UGT1A9: variants seen among roughly 807,000 people sequenced by gnomAD.
UGT1A9 encodes UDP-glucuronosyltransferase 1A9.
Under a neutral mutation model 45.0 loss-of-function variants are expected in UGT1A9, and 35 were observed. The ratio of observed to expected loss-of-function variants is 0.78; its 90% CI spans 0.59 to 1.03. UGT1A9 has a LOEUF of 1.03. Ranked by LOEUF, UGT1A9 falls within the 50% of genes least tolerant of loss-of-function variation. UGT1A9 has a pLI of 0.00. For missense variants in UGT1A9, 687 were observed against 666.6 expected (o/e 1.03, Z -0.34); for synonymous variants, 278 against 250.6 (o/e 1.11, Z -1.03).
At chr2:233,725,353 T>G in intron 1 of UGT1A9, among the ~76,000 whole-genome samples, 1 of 141,520 alleles carries the variant, frequency 7.1e-6, no homozygotes, top group African/African-American at 2.6e-5. Flanking sequence ...TAAGAATGTT[T>G]CTTATGAAGA....
Position 233,687,551 on chromosome 2 carries a change from G to C in UGT1A9, c.855+14762G>C, listed in dbSNP as rs530582048. Among the ~76,000 whole-genome samples, 10 of 149,232 alleles carry C rather than the reference G, an allele frequency of 6.7e-5. No homozygotes were observed. The South Asian group carries it at 2.2e-3, about 32-fold the overall frequency. On this transcript the variant is annotated intron_variant, in intron 1 of 4. Transcript: ENST00000354728. ...CCAAGGTTATGCCTCAAGTAAGTGGGGGAGCCAGAATTCAAGACCATACAT... is the reference window on the plus strand; with the variant it reads ...CCAAGGTTATGCCTCAAGTAAGTGGCGGAGCCAGAATTCAAGACCATACAT...
At chr2:233,762,785 A>G (rs1698164172) in intron 1 of UGT1A9, among the ~76,000 whole-genome samples, 1 of 150,724 alleles carries the variant, frequency 6.6e-6, no homozygotes, top group Non-Finnish European at 1.5e-5. Context: ...CTGATTATCT[A>G]CTCATTACTC....
chr2:233,700,047 C>T (rs1486704694), intron 1 of UGT1A9, among the ~76,000 whole-genome samples: 1 of 152,140 alleles, frequency 6.6e-6, no homozygotes, highest in East Asian at 1.9e-4. Flanking sequence ...AAATCAATTC[C>T]AAGTGAATCC....
intron 1 of UGT1A9, chr2:233,690,696 T>C: frequency 8.1e-7 from 1 of 1,237,692 alleles, no homozygotes; most frequent in South Asian, 1.4e-5. Flanking sequence ...GAGCTACTCT[T>C]TAGGGATCGT....
intron 1 of UGT1A9, chr2:233,754,294 G>C (rs556479810): frequency 4.3e-4 from 102 of 236,002 alleles, no homozygotes; most frequent in African/African-American, 2.0e-3. Flanking sequence ...TTCTGTCCTA[G>C]CACTAGGAAA....
intron 1 of UGT1A9, among the ~76,000 whole-genome samples, chr2:233,749,028 G>T (rs564218690): frequency 1.3e-5 from 2 of 151,722 alleles, no homozygotes; most frequent in South Asian, 4.2e-4. Context: ...AATATTTGGG[G>T]TTCATTGATG....
intron 1 of UGT1A9, chr2:233,754,501 CT>C (rs1695497975): frequency 2.8e-6 from 1 of 356,918 alleles, no homozygotes; most frequent in Non-Finnish European, 5.6e-6. Context: ...AAAAAGTCCG[CT>C]ATTCCTCCAG....
Position 233,767,954 on chromosome 2 carries a change from G to A in UGT1A9, c.1075+18G>A, listed in dbSNP as rs770382182. On this transcript the variant is annotated intron_variant, in intron 3 of 4. Transcript: ENST00000354728. ...TCTGCTTGGTATGTTGGGCGGATTG[G>A]ATGTATAGGTCAAACCAGGGTCAAA... 1.9e-5 allele frequency: 30 copies of A among 1,614,036 alleles called. No homozygotes were observed. The highest frequency in any genetic ancestry group is 2.5e-6 in the Non-Finnish European group (3 of 1,180,050).
chr2:233,681,788 T>C, intron 1 of UGT1A9: 1 of 1,455,446 alleles, frequency 6.9e-7, no homozygotes, highest in Non-Finnish European at 9.1e-7. Flanking sequence ...TTATTATGAG[T>C]AAATCATTGG....
At chr2:233,713,103 G>A (rs1256796601) in intron 1 of UGT1A9, 42 of 1,614,068 alleles carry the variant, frequency 2.6e-5, no homozygotes, top group Non-Finnish European at 3.4e-5. Flanking sequence ...GCCCACTGAT[G>A]GCAGCCACTG....
At position 233,764,188 on chromosome 2, in the gene UGT1A9, A is replaced by G. The variant is rs1395608589; in HGVS notation, c.856-2846A>G. ...TCAGAACAGGGAAATTCTCTCATTCAGGGGCATCTCATCTTTTCTTTGAAG... is the reference window on the plus strand; with the variant it reads ...TCAGAACAGGGAAATTCTCTCATTCGGGGGCATCTCATCTTTTCTTTGAAG... On this transcript the variant is annotated intron_variant, in intron 1 of 4. Transcript: ENST00000354728. Among the ~76,000 whole-genome samples, 3 of 152,296 alleles carry G rather than the reference A, an allele frequency of 2.0e-5. No individual in the cohort carries two copies. The East Asian group carries it at 5.8e-4, about 29-fold the overall frequency.
At chr2:233,747,962 C>G (rs780665543) in intron 1 of UGT1A9, 4 of 1,613,470 alleles carry the variant, frequency 2.5e-6, no homozygotes, top group Non-Finnish European at 2.5e-6. Context: ...ATCTTCTCAG[C>G]CATGCATCTG....
rs369685158 is a variant in UGT1A9, at chr2:233,713,685, GC to G, written c.855+40897del. On this transcript the variant is annotated intron_variant, in intron 1 of 4. Transcript: ENST00000354728. ...TTGCCATGCTGTTTCTGCTCCTTAT[GC>G]AAGCCTTGCCTCTGAGCTTTTTCAG... is the stretch of plus-strand genomic sequence containing the variant. The G allele has an allele frequency of 8.8e-4, 1,413 of 1,613,920 alleles. 18 individuals are homozygous for G. The South Asian group carries it at 0.011, about 13-fold the overall frequency.
At chr2:233,678,990 A>T (rs914113792) in intron 1 of UGT1A9, among the ~76,000 whole-genome samples, 1 of 152,218 alleles carries the variant, frequency 6.6e-6, no homozygotes, top group Non-Finnish European at 1.5e-5. Flanking sequence ...AGCTCTTTCT[A>T]TAATAACAGT....
At chr2:233,715,990 C>G (rs1207588761) in intron 1 of UGT1A9, among the ~76,000 whole-genome samples, 3 of 152,156 alleles carry the variant, frequency 2.0e-5, no homozygotes, top group Non-Finnish European at 4.4e-5. Context: ...TAAAACACAA[C>G]AAAACCCAAA....
rs139116240 is a variant in UGT1A9, at chr2:233,744,094, T to C, written c.856-22940T>C. 9.0e-3 allele frequency: 3,757 copies of C among 416,138 alleles called. 139 individuals carry two copies. The highest frequency in any genetic ancestry group is 0.069 in the Admixed American group (1,831 of 26,694). The allele number at this position is 416,138 out of a possible 1,614,324, so 25.8% of individuals were successfully genotyped here. ...GCCTCGCATCCCAAGATGCAGTGCT[T>C]CTGGGACTGGCCCTGCTCTCTGTGA... On this transcript the variant is annotated intron_variant, in intron 1 of 4. Coordinates refer to ENST00000354728, the MANE Select transcript of UGT1A9 (RefSeq NM_021027.3).
intron 1 of UGT1A9, chr2:233,719,176 A>G (rs538162022): frequency 1.9e-6 from 3 of 1,614,116 alleles, no homozygotes. Context: ...ATTATGAACA[A>G]TGTATCTTTG....
At chr2:233,734,546 C>T (rs975748353) in intron 1 of UGT1A9, among the ~76,000 whole-genome samples, 34 of 152,032 alleles carry the variant, frequency 2.2e-4, no homozygotes, top group East Asian at 1.9e-4. Flanking sequence ...TATTTCTTCC[C>T]TTCTGCTAGC....
chr2:233,682,234 G>A (rs776939121), intron 1 of UGT1A9: 21 of 1,614,046 alleles, frequency 1.3e-5, no homozygotes, highest in Admixed American at 1.2e-4. Context: ...CTCGCTGGAC[G>A]GCACCATTGC....
Sources: allele counts gnomAD v4.1 joint callset (sites outside exome capture counted in the v4.1 genomes callset), GRCh38; gene constraint gnomAD v4.1.1; transcripts MANE v1.5; gene names NCBI Gene and HGNC (gene_info 2026-07-23, HGNC 2026-07-21).